ADGRV1: variants seen among roughly 807,000 people sequenced by gnomAD.
ADGRV1 encodes adhesion G protein-coupled receptor V1, also known as G-protein coupled receptor 98.
ADGRV1 carries 359 observed loss-of-function variants against 596.2 expected under a neutral mutation model. That is an observed-to-expected ratio of 0.60 (90% CI 0.55 to 0.66). The LOEUF (loss-of-function observed/expected upper bound fraction) is 0.66. Ranked by LOEUF, ADGRV1 falls within the 30% of genes least tolerant of loss-of-function variation. The pLI, the probability that ADGRV1 is intolerant of heterozygous loss-of-function variation, is 0.00. For synonymous variants in ADGRV1, 2,681 were observed against 2,679.2 expected (o/e 1.00, Z -0.02); for missense variants, 7,274 against 7,575.6 (o/e 0.96, Z 1.48).
chr5:90,925,827 A>C (rs935612963), intron 83 of ADGRV1, among the ~76,000 whole-genome samples: 4 of 126,662 alleles, frequency 3.2e-5, no homozygotes, highest in Non-Finnish European at 5.3e-5. Context: ...ATTTATTGAG[A>C]GTTTTTAGCA....
At chr5:90,771,503 C>T (rs1757690441) in intron 59 of ADGRV1, among the ~76,000 whole-genome samples, 1 of 152,094 alleles carries the variant, frequency 6.6e-6, no homozygotes, top group African/African-American at 2.4e-5. Context: ...GTGTTTTATA[C>T]AACAACTGTA....
intron 83 of ADGRV1, among the ~76,000 whole-genome samples, chr5:90,888,253 C>CT (rs1264148569): frequency 6.6e-6 from 1 of 152,106 alleles, no homozygotes; most frequent in African/African-American, 2.4e-5. Context: ...AAAGTGAAAA[C>CT]TGACTACCAT....
chr5:90,683,731 C>T lies in ADGRV1; in HGVS notation c.5810C>T (p.Pro1937Leu), dbSNP rs1412790169. The T allele has an allele frequency of 1.2e-6, 2 of 1,613,702 alleles. No individual in the cohort carries two copies. The highest frequency in any genetic ancestry group is 1.1e-5 in the South Asian group (1 of 91,062). Residue 1937 changes from proline (P) to leucine (L), a missense_variant, in exon 28 of 90, where the codon CCT becomes CTT. Transcript: ENST00000405460. ...TSANITVEILPDEDPELDKAF... is the reference protein window; with the variant it reads ...TSANITVEILLDEDPELDKAF... Reference sequence around the variant, plus strand: ...GCCAATATCACTGTGGAGATATTGCCTGACGAAGACCCAGAACTGGATAAG... The same window carrying T: ...GCCAATATCACTGTGGAGATATTGCTTGACGAAGACCCAGAACTGGATAAG...
chr5:90,781,309 T>C lies in ADGRV1; in HGVS notation c.13083-121T>C. ...TAGCGTTGAGGATCTTTAAAAGTATTGCAGTACTTTATAGAACTAAGTTGT... is the reference window on the plus strand; with the variant it reads ...TAGCGTTGAGGATCTTTAAAAGTATCGCAGTACTTTATAGAACTAAGTTGT... On this transcript the variant is annotated intron_variant, in intron 64 of 89. Coordinates refer to ENST00000405460, the MANE Select transcript of ADGRV1 (RefSeq NM_032119.4). The C allele has an allele frequency of 6.6e-6, 5 of 752,656 alleles. No homozygotes were observed. The South Asian group carries it at 7.6e-5, about 12-fold the overall frequency. The allele number at this position is 752,656 out of a possible 1,614,324, so 46.6% of individuals were successfully genotyped here.
intron 7 of ADGRV1, 24 bp from the exon 8 acceptor site, chr5:90,628,537 AT>A: frequency 6.3e-7 from 1 of 1,595,336 alleles, no homozygotes; most frequent in African/African-American, 1.3e-5. Flanking sequence ...ATGTGACAAT[AT>A]GTATTTCTTT....
chr5:91,113,334 A>C (rs1012537701), intron 87 of ADGRV1, among the ~76,000 whole-genome samples: 1 of 152,228 alleles, frequency 6.6e-6, no homozygotes, highest in African/African-American at 2.4e-5. Context: ...AACACTGTGC[A>C]GGCCAAGCAA....
chr5:90,642,757 A>G lies in ADGRV1; in HGVS notation c.2362A>G (p.Ile788Val). ...FSPASRGPYV[I>V]KEGESVELHI... ...TCCTGCTTCCAGAGGACCCTATGTT[A>G]TAAAAGTAAGTACGAAAAAAACTTC... The change falls in exon 12 of 90, where the codon ATA (isoleucine) becomes GTA (valine). Residue 788 changes from isoleucine (I) to valine (V), a missense_variant. Physicochemically the swap from Ile to Val is conservative, Grantham distance 29. This residue lies in a region of ADGRV1 where 1,715 missense variants were observed against 1,708.8 expected (regional missense o/e 1.00). Coordinates refer to ENST00000405460, the MANE Select transcript of ADGRV1 (RefSeq NM_032119.4). 6 of 1,611,280 alleles carry G rather than the reference A, an allele frequency of 3.7e-6. No individual in the cohort carries two copies. Among genetic ancestry groups the G allele is most frequent in the Non-Finnish European group, 5.1e-6 (6 of 1,178,988 alleles).
chr5:90,997,433 A>G (rs920399142), intron 85 of ADGRV1, among the ~76,000 whole-genome samples: 1 of 152,064 alleles, frequency 6.6e-6, no homozygotes, highest in Non-Finnish European at 1.5e-5. Flanking sequence ...ACCTTCTGCC[A>G]TGATTGTAAG....
intron 21 of ADGRV1, among the ~76,000 whole-genome samples, chr5:90,669,310 T>C (rs978437638): frequency 6.6e-6 from 1 of 152,198 alleles, no homozygotes; most frequent in Non-Finnish European, 1.5e-5. Context: ...TCCAACATCT[T>C]AAGGTTGGAG....
chr5:90,609,120 A>T lies in ADGRV1; in HGVS notation c.23-5715A>T, dbSNP rs747335300. On this transcript the variant is annotated intron_variant, in intron 1 of 89. Coordinates refer to ENST00000405460, the MANE Select transcript of ADGRV1 (RefSeq NM_032119.4). ...TAGTCTGTCTTCTGTAGGAATACAT[A>T]TATTTCTGTATATATGTACACACAT... Among the ~76,000 whole-genome samples the T allele has an allele frequency of 4.7e-4, 72 of 152,176 alleles. 1 individual carries two copies. The highest frequency in any genetic ancestry group is 9.1e-4 in the Non-Finnish European group (62 of 67,916).
Position 91,107,313 on chromosome 5 carries a change from A to G in ADGRV1, c.18432+4973A>G, listed in dbSNP as rs181677406. On this transcript the variant is annotated intron_variant, in intron 87 of 89. Coordinates refer to ENST00000405460, the MANE Select transcript of ADGRV1 (RefSeq NM_032119.4). ...CGTGACAAGAACCAACAAAGGAGAA[A>G]TTGACATCTGGAGGAAAGATTTGTT... Among the ~76,000 whole-genome samples the G allele has an allele frequency of 7.2e-5, 11 of 152,328 alleles. No individual in the cohort carries two copies. The East Asian group carries it at 2.1e-3, about 29-fold the overall frequency.
At chr5:90,937,639 A>G (rs1264655601) in intron 83 of ADGRV1, among the ~76,000 whole-genome samples, 1 of 151,948 alleles carries the variant, frequency 6.6e-6, no homozygotes, top group African/African-American at 2.4e-5. Context: ...TTGTATTTTT[A>G]GTAGAGACGG....
chr5:90,664,539 T>A (rs1189038817), intron 21 of ADGRV1, among the ~76,000 whole-genome samples: 1 of 136,686 alleles, frequency 7.3e-6, no homozygotes, highest in Non-Finnish European at 1.5e-5. Flanking sequence ...TTTCTAGATA[T>A]ACAATCATGT....
intron 83 of ADGRV1, among the ~76,000 whole-genome samples, chr5:90,930,244 G>A (rs3105793): frequency 0.26 from 39,005 of 152,008 alleles, 5,515 homozygotes; most frequent in Admixed American, 0.4. Context: ...TAGAAACATC[G>A]ATGCCAATAT....
rs115862148 is a variant in ADGRV1 at position 90,809,560 on chromosome 5, G to C, written c.14973-673G>C. ...TTGACAAGAGAGAGTAATGGGACCT[G>C]AAGAATCCTCCCTAAAGGCATTTAA... is the stretch of plus-strand genomic sequence containing the variant. On this transcript the variant is annotated intron_variant, in intron 73 of 89. Coordinates refer to ENST00000405460, the MANE Select transcript of ADGRV1 (RefSeq NM_032119.4). Among the ~76,000 whole-genome samples the C allele has an allele frequency of 6.2e-3, 949 of 152,154 alleles. 9 individuals are homozygous for C. Among genetic ancestry groups the C allele is most frequent in the African/African-American group, 0.022 (906 of 41,504 alleles).
chr5:90,659,432 T>G (rs1324731698), intron 21 of ADGRV1, among the ~76,000 whole-genome samples: 3 of 152,232 alleles, frequency 2.0e-5, no homozygotes, highest in South Asian at 2.1e-4. Context: ...GTCAACATTT[T>G]GAAGATCTGT....
At chr5:90,641,744 A>G (rs937449110) in intron 11 of ADGRV1, among the ~76,000 whole-genome samples, 2 of 152,102 alleles carry the variant, frequency 1.3e-5, no homozygotes, top group Non-Finnish European at 2.9e-5. Context: ...TCTGAGCATG[A>G]ATATATTTTT....
At chr5:90,866,127 G>T (rs1051708665) in intron 83 of ADGRV1, among the ~76,000 whole-genome samples, 34 of 152,044 alleles carry the variant, frequency 2.2e-4, no homozygotes, top group African/African-American at 6.5e-4. Context: ...AATGAACTAG[G>T]ACTAAGTAGA....
chr5:90,786,584 C>T (rs974173315), intron 67 of ADGRV1, among the ~76,000 whole-genome samples: 1 of 152,066 alleles, frequency 6.6e-6, no homozygotes, highest in African/African-American at 2.4e-5. Context: ...GTTTATTTCC[C>T]TCTACTCTCC....
Sources: gnomAD v4.1 joint callset for allele counts (sites outside exome capture counted in the v4.1 genomes callset) on GRCh38, gnomAD v4.1.1 for gene constraint, gnomAD v4.1.1 regional missense constraint, MANE v1.5 for transcripts, NCBI Gene and HGNC (gene_info 2026-07-23, HGNC 2026-07-21) for gene names.